The following DENND1B variants were observed in gnomAD, a reference collection of about 807,000 sequenced individuals.
The protein encoded by DENND1B is DENN domain containing 1B.
DENND1B carries 59 observed loss-of-function variants against 90.1 expected under a neutral mutation model. The ratio of observed to expected loss-of-function variants is 0.65; its 90% CI spans 0.53 to 0.81. The LOEUF is 0.81. Among genes scored for constraint, DENND1B ranks in the 40% least tolerant of loss-of-function variants. The pLI is 0.00. For synonymous variants in DENND1B, 337 were observed against 324.6 expected, an observed-to-expected ratio of 1.04 and a Z score of -0.41; for missense variants, 862 against 912.6, an observed-to-expected ratio of 0.94 and a Z score of 0.71.
At chr1:197,523,022 T>G (rs1668882416) in intron 20 of DENND1B, among the ~76,000 whole-genome samples, 1 of 152,094 alleles carries the variant, frequency 6.6e-6, no homozygotes, top group Non-Finnish European at 1.5e-5. Context: ...TATTTCCAAT[T>G]GAGGTAACTC....
intron 20 of DENND1B, among the ~76,000 whole-genome samples, chr1:197,522,218 C>G (rs966486765): frequency 1.3e-5 from 2 of 152,020 alleles, no homozygotes; most frequent in African/African-American, 4.8e-5. Flanking sequence ...ATGCTGAAAA[C>G]ATACGTGTCA....
chr1:197,580,565 AG>A (rs1051186114), intron 15 of DENND1B, among the ~76,000 whole-genome samples: 5 of 152,110 alleles, frequency 3.3e-5, no homozygotes, highest in African/African-American at 4.8e-5. Context: ...ACTAACATTT[AG>A]GGTCCTTTAA....
At chr1:197,702,522 A>G (rs904114139) in intron 3 of DENND1B, among the ~76,000 whole-genome samples, 1 of 152,198 alleles carries the variant, frequency 6.6e-6, no homozygotes, top group African/African-American at 2.4e-5. Flanking sequence ...AATTTCCAAA[A>G]TCTTTAGGTA....
chr1:197,552,391 T>C (rs998900190), intron 16 of DENND1B: 3 of 985,542 alleles, frequency 3.0e-6, no homozygotes, highest in Non-Finnish European at 3.6e-6. Flanking sequence ...GTCAAGACTA[T>C]ACACCACTAC....
At chr1:197,557,695 A>G (rs1671827750) in intron 15 of DENND1B, among the ~76,000 whole-genome samples, 1 of 151,952 alleles carries the variant, frequency 6.6e-6, no homozygotes, top group Admixed American at 6.6e-5. Context: ...ACATCCAGGA[A>G]TAAACTGAAA....
rs141207713 is a variant in DENND1B at position 197,575,567 on chromosome 1, C to T, written c.1149+7585G>A. Reference sequence around the variant, plus strand: ...GAACTAGAAATACCATTTGATCCAGCGATCCCATTACTGGGTATTTACCCA... The same window carrying T: ...GAACTAGAAATACCATTTGATCCAGTGATCCCATTACTGGGTATTTACCCA... On this transcript the variant is annotated intron_variant, in intron 15 of 22. Transcript: ENST00000620048. 6.4e-3 allele frequency among the ~76,000 whole-genome samples: 976 copies of T among 152,258 alleles called. 9 individuals carry two copies. Among genetic ancestry groups the T allele is most frequent in the Admixed American group, 0.014 (209 of 15,288 alleles).
chr1:197,735,808 A>C, intron 2 of DENND1B: 1 of 1,610,388 alleles, frequency 6.2e-7, no homozygotes, highest in Non-Finnish European at 8.5e-7. Flanking sequence ...TACAGAAAGA[A>C]GCACAAAAAG....
chr1:197,762,481 T>C (rs1333091522), intron 2 of DENND1B, among the ~76,000 whole-genome samples: 3 of 152,204 alleles, frequency 2.0e-5, no homozygotes, highest in Non-Finnish European at 2.9e-5. Context: ...ATGAAATACA[T>C]ATAGATAGTA....
intron 13 of DENND1B, among the ~76,000 whole-genome samples, chr1:197,595,865 C>A (rs149681097): frequency 0.021 from 3,133 of 152,086 alleles, 48 homozygotes; most frequent in South Asian, 0.043. Context: ...TGAAATTATA[C>A]CATGAGTGGA....
At chr1:197,607,000 G>T in intron 13 of DENND1B, 73 bp downstream of exon 13, 1 of 1,127,968 alleles carries the variant, frequency 8.9e-7, no homozygotes, top group Non-Finnish European at 1.3e-6. Context: ...TTAAAAGTGG[G>T]AAAAATAACT....
intron 3 of DENND1B, among the ~76,000 whole-genome samples, chr1:197,703,348 C>G (rs1558422054): frequency 6.6e-6 from 1 of 152,138 alleles, no homozygotes; most frequent in South Asian, 2.1e-4. Flanking sequence ...AAAAACACCT[C>G]TATACTCCTT....
intron 14 of DENND1B, among the ~76,000 whole-genome samples, chr1:197,593,198 A>G (rs1192564146): frequency 6.6e-6 from 1 of 151,986 alleles, no homozygotes; most frequent in African/African-American, 2.4e-5. Flanking sequence ...TAGTTTATGC[A>G]CAAAAAGAAA....
At chr1:197,781,762 G>T in the DENND1B span, among the ~76,000 whole-genome samples, 9 of 152,258 alleles carry the variant, frequency 5.9e-5, no homozygotes, top group East Asian at 1.7e-3. Context: ...TTGTCTTCCA[G>T]TTTGTGGACA....
chr1:197,612,798 T>C (rs569763560), intron 11 of DENND1B, among the ~76,000 whole-genome samples: 1 of 150,756 alleles, frequency 6.6e-6, no homozygotes, highest in South Asian at 2.1e-4. Flanking sequence ...CCCTATGGAT[T>C]TTATACTCTT....
At chr1:197,511,976 A>C in intron 21 of DENND1B, 32 bp from the exon 22 acceptor site, 1 of 1,525,486 alleles carries the variant, frequency 6.6e-7, no homozygotes, top group Non-Finnish European at 8.9e-7. Context: ...AGTAGTAGGT[A>C]AATAACCATA....
At chr1:197,757,768 T>C (rs558956382) in intron 2 of DENND1B, among the ~76,000 whole-genome samples, 1 of 152,196 alleles carries the variant, frequency 6.6e-6, no homozygotes, top group South Asian at 2.1e-4. Context: ...ATTACCAAGA[T>C]AGCCTTGAAT....
chr1:197,774,864 C>G (rs933389253), intron 1 of DENND1B, among the ~76,000 whole-genome samples: 1 of 152,042 alleles, frequency 6.6e-6, no homozygotes, highest in African/African-American at 2.4e-5. Context: ...CCCTGTCCCC[C>G]GAAAGGCGGG....
At chr1:197,636,111 C>T (rs1344505109) in intron 10 of DENND1B, among the ~76,000 whole-genome samples, 1 of 151,936 alleles carries the variant, frequency 6.6e-6, no homozygotes, top group African/African-American at 2.4e-5. Flanking sequence ...CCAGACTTAG[C>T]AGTTTATAGG....
intron 15 of DENND1B, among the ~76,000 whole-genome samples, chr1:197,581,783 C>G (rs2125770566): frequency 6.6e-6 from 1 of 152,242 alleles, no homozygotes; most frequent in East Asian, 1.9e-4. Context: ...ATTCTACCTA[C>G]CCATTCAATC....
Sources: gnomAD v4.1 joint callset for allele counts (sites outside exome capture counted in the v4.1 genomes callset) on GRCh38, gnomAD v4.1.1 for gene constraint, MANE v1.5 for transcripts, NCBI Gene and HGNC (gene_info 2026-07-23, HGNC 2026-07-21) for gene names.